The following SEMA4D variants were observed in gnomAD, a reference collection of about 807,000 sequenced individuals.
SEMA4D encodes semaphorin 4D, also known as semaphorin-4D.
SEMA4D carries 22 observed loss-of-function variants against 74.8 expected under a neutral mutation model. The ratio of observed to expected loss-of-function variants is 0.29; its 90% CI spans 0.21 to 0.42. SEMA4D has a LOEUF of 0.42. Among genes scored for constraint, SEMA4D ranks in the 10% least tolerant of loss-of-function variants. The pLI is 1.00. For synonymous variants in SEMA4D, 445 were observed against 463.7 expected, an observed-to-expected ratio of 0.96 and a Z score of 0.52; for missense variants, 937 against 1,118.4, an observed-to-expected ratio of 0.84 and a Z score of 2.31.
chr9:89,447,502 G>A (rs938550597), intron 2 of SEMA4D, among the ~76,000 whole-genome samples: 19 of 151,292 alleles, frequency 1.3e-4, no homozygotes, highest in South Asian at 2.1e-4. Flanking sequence ...TGTGCTCCCC[G>A]ACCCCCACCA....
At position 89,385,008 on chromosome 9, in the gene SEMA4D, G is replaced by A. The variant is rs551844344; in HGVS notation, c.1446+1359C>T. On this transcript the variant is annotated intron_variant, in intron 13 of 15. Transcript: ENST00000422704. ...AGGCTCCTACAGAGACAGGCGGGTC[G>A]GGTGGTCCAGTAGGACCAGCAAGCG... 8.0e-4 allele frequency: 788 copies of A among 985,326 alleles called. 2 individuals are homozygous for A. The African/African-American group carries it at 0.011, about 14-fold the overall frequency. The allele number at this position is 985,326 out of a possible 1,614,324, so 61.0% of individuals were successfully genotyped here.
At chr9:89,405,962 T>C (rs1385636679) in intron 2 of SEMA4D, 1 of 1,113,902 alleles carries the variant, frequency 9.0e-7, no homozygotes, top group Non-Finnish European at 1.1e-6. Flanking sequence ...GGAGAGGACC[T>C]GGTGTGGGGC....
At chr9:89,478,820 G>T (rs35394790) in intron 1 of SEMA4D, among the ~76,000 whole-genome samples, 25,397 of 98,984 alleles carry the variant, frequency 0.26, 2,897 homozygotes, top group Non-Finnish European at 0.31. Flanking sequence ...GGCAGCCACC[G>T]CTTTTGTTCC....
rs763964038 is a variant in SEMA4D, at chr9:89,405,465, G to A, written c.-9C>T. The stretch of plus-strand genomic sequence containing the variant: ...GGGGTGCACATCCTCATCAGGTAGA[G>A]GCGACCCCAGGGGCTTCAGCAGCAA... On this transcript the variant is annotated 5_prime_UTR_variant, in exon 3 of 16. Transcript: ENST00000422704. The A allele has an allele frequency of 2.5e-6, 4 of 1,612,992 alleles. No individual in the cohort carries two copies. In the South Asian group the frequency reaches 4.4e-5, roughly 18 times the overall value.
intron 2 of SEMA4D, among the ~76,000 whole-genome samples, chr9:89,438,420 G>A (rs1209710530): frequency 1.3e-5 from 2 of 152,230 alleles, no homozygotes; most frequent in Non-Finnish European, 2.9e-5. Context: ...TGAGCAGGAC[G>A]ACATTCACCG....
intron 2 of SEMA4D, among the ~76,000 whole-genome samples, chr9:89,425,867 A>G (rs1253127261): frequency 6.6e-6 from 1 of 152,226 alleles, no homozygotes; most frequent in African/African-American, 2.4e-5. Context: ...AGCTGTGCTG[A>G]GGCTCCACCT....
At chr9:89,419,095 C>T (rs558277123) in intron 2 of SEMA4D, among the ~76,000 whole-genome samples, 44 of 152,008 alleles carry the variant, frequency 2.9e-4, no homozygotes, top group African/African-American at 8.0e-4. Flanking sequence ...ACACAACATC[C>T]GGTCCCCCCA....
intron 2 of SEMA4D, among the ~76,000 whole-genome samples, chr9:89,453,735 A>G (rs1855206363): frequency 6.6e-6 from 1 of 152,212 alleles, no homozygotes; most frequent in African/African-American, 2.4e-5. Context: ...CGGGAACCAC[A>G]ATGCCTGCTT....
At chr9:89,406,214 C>T (rs1226118927) in intron 2 of SEMA4D, among the ~76,000 whole-genome samples, 1 of 152,126 alleles carries the variant, frequency 6.6e-6, no homozygotes. Flanking sequence ...CACATATGTA[C>T]ACACACACAT....
At chr9:89,376,042 T>C (rs1176407311), downstream of SEMA4D, among the ~76,000 whole-genome samples, 4 of 152,198 alleles carry the variant, frequency 2.6e-5, no homozygotes, top group Admixed American at 6.5e-5. Context: ...CTCGCTATGT[T>C]GCTCAAGCTG....
rs1491451024 is a variant in SEMA4D at position 89,450,660 on chromosome 9, G to GGAAAAAAAAAAAAAAAAAAAAAAAA, written c.-244+5227_-244+5228insTTTTTTTTTTTTTTTTTTTTTTTTC. 50 of 430,464 alleles carry GGAAAAAAAAAAAAAAAAAAAAAAAA rather than the reference G, an allele frequency of 1.2e-4. 10 individuals carry two copies. Among genetic ancestry groups the GGAAAAAAAAAAAAAAAAAAAAAAAA allele is most frequent in the Middle Eastern group, 7.3e-4 (1 of 1,364 alleles). 26.7% of individuals were successfully genotyped at this position (430,464 alleles called of 1,614,324 possible). ...GAGTTCTGCAAGTCGAAAAACCCAG[G>GGAAAAAAAAAAAAAAAAAAAAAAAA]AAAAAAAAAAAAAAAAAAAAAAAAA... On this transcript the variant is annotated intron_variant, in intron 2 of 15. Transcript: ENST00000422704.
chr9:89,391,079 G>C (rs1263114685), intron 9 of SEMA4D, among the ~76,000 whole-genome samples, 185 bp downstream of exon 9: 3 of 152,222 alleles, frequency 2.0e-5, no homozygotes, highest in Non-Finnish European at 4.4e-5. Context: ...TCACACATGG[G>C]GGCCAGCACT....
intron 1 of SEMA4D, among the ~76,000 whole-genome samples, chr9:89,458,587 C>T (rs549549408): frequency 6.6e-5 from 10 of 152,140 alleles, no homozygotes; most frequent in South Asian, 4.1e-4. Flanking sequence ...CATGCACACA[C>T]GTATACACCT....
At chr9:89,396,665 G>T in intron 6 of SEMA4D, 72 bp downstream of exon 6, 1 of 1,273,250 alleles carries the variant, frequency 7.9e-7, no homozygotes, top group Non-Finnish European at 1.1e-6. Flanking sequence ...CTTTACGTCT[G>T]CTTTGAGCCC....
intron 2 of SEMA4D, among the ~76,000 whole-genome samples, chr9:89,442,870 C>T (rs554432490): frequency 5.3e-5 from 8 of 152,332 alleles, no homozygotes; most frequent in African/African-American, 1.2e-4. Context: ...CCCTGGTTCA[C>T]GCATGTGCCG....
chr9:89,421,749 G>A (rs114456276), intron 2 of SEMA4D, among the ~76,000 whole-genome samples: 2,157 of 152,298 alleles, frequency 0.014, 48 homozygotes, highest in African/African-American at 0.048. Flanking sequence ...CCAAAAATGT[G>A]AGTAGTATGT....
At chr9:89,438,509 C>A (rs1850949485) in intron 2 of SEMA4D, among the ~76,000 whole-genome samples, 1 of 152,224 alleles carries the variant, frequency 6.6e-6, no homozygotes, top group South Asian at 2.1e-4. Context: ...TCCAGTACAT[C>A]ACGGGCTGAA....
At chr9:89,446,700 G>A (rs1459086170) in intron 2 of SEMA4D, among the ~76,000 whole-genome samples, 3 of 152,178 alleles carry the variant, frequency 2.0e-5, no homozygotes, top group Non-Finnish European at 2.9e-5. Context: ...GGACCCTGGT[G>A]GCCACACCTT....
In SEMA4D at chr9:89,405,337, G is replaced by A. The variant is rs1843117208; in HGVS notation, c.106+14C>T. 3.1e-6 allele frequency: 5 copies of A among 1,611,146 alleles called. No homozygotes were observed. Among genetic ancestry groups the A allele is most frequent in the Non-Finnish European group, 4.2e-6 (5 of 1,177,322 alleles). Reference sequence around the variant, plus strand: ...TCCCAGGCCATCAGCACCCCTGCAGGTTTCGTCACTCACCTCTGTGCTCCC... The same window carrying A: ...TCCCAGGCCATCAGCACCCCTGCAGATTTCGTCACTCACCTCTGTGCTCCC... On this transcript the variant is annotated intron_variant, in intron 3 of 15. Coordinates refer to ENST00000422704, the MANE Select transcript of SEMA4D (RefSeq NM_001371194.2).
Sources: allele counts gnomAD v4.1 joint callset (sites outside exome capture counted in the v4.1 genomes callset), GRCh38; gene constraint gnomAD v4.1.1; transcripts MANE v1.5; gene names NCBI Gene and HGNC (gene_info 2026-07-23, HGNC 2026-07-21).